Variants in ANKRD11 observed in about 807,000 individuals in gnomAD.
ANKRD11 encodes the protein ankyrin repeat domain-containing protein 11.
A neutral mutation model predicts 195.7 loss-of-function variants in ANKRD11; 17 were observed. The ratio of observed to expected loss-of-function variants is 0.09; its 90% CI spans 0.06 to 0.13. The LOEUF (loss-of-function observed/expected upper bound fraction) is 0.13. Ranked by LOEUF, ANKRD11 falls within the 10% of genes least tolerant of loss-of-function variation. ANKRD11 has a pLI of 1.00. For missense variants in ANKRD11, 3,735 were observed against 3,566.1 expected (o/e 1.05, Z -1.21); for synonymous variants, 1,953 against 1,528.1 (o/e 1.28, Z -6.49).
intron 1 of ANKRD11, among the ~76,000 whole-genome samples, chr16:89,483,755 G>C (rs1597556897): frequency 6.6e-6 from 1 of 151,730 alleles, no homozygotes; most frequent in African/African-American, 2.4e-5. Flanking sequence ...CTGAACCCGG[G>C]AGGCGGAGGT....
At chr16:89,431,863 A>G (rs1033077452) in intron 1 of ANKRD11, among the ~76,000 whole-genome samples, 2 of 149,710 alleles carry the variant, frequency 1.3e-5, no homozygotes, top group African/African-American at 4.9e-5. Flanking sequence ...CCCTCACCCC[A>G]CTCCTTCCTG....
In ANKRD11 at chr16:89,282,194, A is replaced by T; in HGVS notation, c.4348T>A (p.Ser1450Thr). Residue 1450 changes from serine to threonine, a missense_variant, in exon 9 of 13, where the codon TCT (serine) becomes ACT (threonine). Physicochemically the swap from Ser to Thr is moderately conservative, Grantham distance 58. Coordinates refer to ENST00000301030, the MANE Select transcript of ANKRD11 (RefSeq NM_013275.6). Reference sequence around the variant, plus strand: ...TCTTTTAGGATGTTGATGGCACTAGATCCATAAGGCTTTAGTTCCTTTTCT... The same window carrying T: ...TCTTTTAGGATGTTGATGGCACTAGTTCCATAAGGCTTTAGTTCCTTTTCT... ...KIEKELKPYGSSAINILKEKK... is the reference protein window; with the variant it reads ...KIEKELKPYGTSAINILKEKK... 6.2e-7 allele frequency: 1 copy of T among 1,613,648 alleles called. No individual in the cohort carries two copies. The highest frequency in any genetic ancestry group is 1.7e-4 in the Middle Eastern group (1 of 6,060).
At chr16:89,399,515 G>T (rs575887035) in intron 2 of ANKRD11, among the ~76,000 whole-genome samples, 2 of 152,288 alleles carry the variant, frequency 1.3e-5, no homozygotes, top group African/African-American at 4.8e-5. Context: ...AGGGAGGGAC[G>T]GAGGGATGTG....
chr16:89,428,706 C>T (rs888779288), intron 1 of ANKRD11, among the ~76,000 whole-genome samples: 3 of 151,584 alleles, frequency 2.0e-5, no homozygotes, highest in Non-Finnish European at 4.4e-5. Context: ...CCAGCCTGGC[C>T]AACATAGTGA....
intron 1 of ANKRD11, among the ~76,000 whole-genome samples, chr16:89,428,488 A>G (rs1012665968): frequency 6.6e-6 from 1 of 150,644 alleles, no homozygotes; most frequent in South Asian, 2.1e-4. Flanking sequence ...ACTGCGCCCT[A>G]CACTCCAGCC....
chr16:89,393,317 T>A (rs569103911), intron 2 of ANKRD11, among the ~76,000 whole-genome samples: 25 of 149,882 alleles, frequency 1.7e-4, no homozygotes, highest in African/African-American at 5.0e-4. Flanking sequence ...TATTTTTATT[T>A]TTTTTTTTTT....
chr16:89,430,364 G>A (rs972662297), intron 1 of ANKRD11, among the ~76,000 whole-genome samples: 11 of 147,174 alleles, frequency 7.5e-5, no homozygotes, highest in African/African-American at 2.3e-4. Flanking sequence ...CAACTCTCAC[G>A]CTCAGTCGTT....
At chr16:89,405,363 A>C (rs766325121) in intron 2 of ANKRD11, among the ~76,000 whole-genome samples, 13 of 152,236 alleles carry the variant, frequency 8.5e-5, no homozygotes, top group Non-Finnish European at 1.6e-4. Flanking sequence ...TGGCTCTGTC[A>C]CGCAGGCTAG....
chr16:89,349,054 G>T (rs1008747274), intron 2 of ANKRD11, among the ~76,000 whole-genome samples: 1 of 146,386 alleles, frequency 6.8e-6, no homozygotes, highest in African/African-American at 2.5e-5. Context: ...CTTGAACCTG[G>T]GAGGCGGAGG....
intron 1 of ANKRD11, among the ~76,000 whole-genome samples, chr16:89,464,055 A>G (rs1449271072): frequency 6.6e-6 from 1 of 152,178 alleles, no homozygotes; most frequent in Non-Finnish European, 1.5e-5. Flanking sequence ...CCTGGCCAAC[A>G]TGGTGAAACC....
intron 1 of ANKRD11, among the ~76,000 whole-genome samples, chr16:89,458,416 G>C (rs542098420): frequency 6.6e-6 from 1 of 152,044 alleles, no homozygotes; most frequent in African/African-American, 2.4e-5. Flanking sequence ...AGTAGAGACG[G>C]GGTTTCACCA....
intron 9 of ANKRD11, 192 bp downstream of exon 9, chr16:89,278,880 T>G: frequency 1.1e-6 from 1 of 951,266 alleles, no homozygotes; most frequent in African/African-American, 1.6e-5. Flanking sequence ...ACCTCGGGTC[T>G]GCAGAACAGC....
At chr16:89,384,898 T>TTTTTTTTTTTTTTTTTTTTTC in intron 2 of ANKRD11, among the ~76,000 whole-genome samples, 1 of 131,506 alleles carries the variant, frequency 7.6e-6, no homozygotes, top group Non-Finnish European at 1.6e-5. Context: ...TTTTTTTTTT[T>TTTTTTTTTTTTTTTTTTTTTC]TTTTTTTTTG....
intron 2 of ANKRD11, among the ~76,000 whole-genome samples, chr16:89,319,468 CTG>C (rs1258826033): frequency 6.6e-6 from 1 of 152,252 alleles, no homozygotes; most frequent in Non-Finnish European, 1.5e-5. Context: ...CAGGTGTACG[CTG>C]TGTTTTCTGG....
rs372067931 is a variant in ANKRD11 at position 89,446,342 on chromosome 16, G to A, written c.-144-27974C>T. Among the ~76,000 whole-genome samples the A allele has an allele frequency of 2.0e-4, 31 of 152,246 alleles. 1 individual carries two copies. In the South Asian group the frequency reaches 5.4e-3, roughly 26 times the overall value. On this transcript the variant is annotated intron_variant, in intron 1 of 12. Coordinates refer to ENST00000301030, the MANE Select transcript of ANKRD11 (RefSeq NM_013275.6). ...GAGGTGGACGGGCGCAGTGGCTCAC[G>A]CCCCTAATCCCAGCACTTTGGGAGG...
At chr16:89,288,336 C>T (rs1019392091) in intron 7 of ANKRD11, 192 bp downstream of exon 7, 3 of 884,862 alleles carry the variant, frequency 3.4e-6, no homozygotes, top group Admixed American at 2.0e-5. Context: ...TGTGAGAGGC[C>T]GTCCAGGCTG....
intron 2 of ANKRD11, among the ~76,000 whole-genome samples, chr16:89,322,196 T>G (rs980693698): frequency 1.3e-5 from 2 of 152,208 alleles, no homozygotes; most frequent in African/African-American, 4.8e-5. Context: ...TTGCTGTAAT[T>G]TGTATTAAAA....
rs368811116 is a variant in ANKRD11 at position 89,286,406 on chromosome 16, C to A, written c.745-220G>T. ...TCCTCTGTGGGAAGGGCTGCAGCCG[C>A]GGGGGCTCCCGCACCCCTCCTGTGC... On this transcript the variant is annotated intron_variant, in intron 7 of 12. Transcript: ENST00000301030. The A allele has an allele frequency of 9.0e-4, 613 of 680,050 alleles. 7 individuals are homozygous for A. In the South Asian group the frequency reaches 0.01, roughly 12 times the overall value. The allele number at this position is 680,050 out of a possible 1,614,324, so 42.1% of individuals were successfully genotyped here.
intron 1 of ANKRD11, among the ~76,000 whole-genome samples, chr16:89,454,683 G>A (rs2965950): frequency 0.22 from 18,995 of 86,798 alleles, 59 homozygotes; most frequent in Middle Eastern, 0.37. Context: ...TCCCCTGGGT[G>A]CTTCCAGGGT....
Sources: gnomAD v4.1 joint callset for allele counts (sites outside exome capture counted in the v4.1 genomes callset) on GRCh38, gnomAD v4.1.1 for gene constraint, MANE v1.5 for transcripts, NCBI Gene and HGNC (gene_info 2026-07-23, HGNC 2026-07-21) for gene names.